The following KIAA1671 variants were observed in gnomAD, a reference collection of about 807,000 sequenced individuals.
KIAA1671 encodes KIAA1671, also known as uncharacterized protein KIAA1671.
KIAA1671 carries 52 observed loss-of-function variants against 131.2 expected under a neutral mutation model. That is an observed-to-expected ratio of 0.40 (90% CI 0.32 to 0.50). The LOEUF is 0.50. Ranked by LOEUF, KIAA1671 falls within the 20% of genes least tolerant of loss-of-function variation. The pLI, the probability that KIAA1671 is intolerant of heterozygous loss-of-function variation, is 0.73. For synonymous variants in KIAA1671, 1,003 were observed against 961.6 expected (o/e 1.04, Z -0.80); for missense variants, 2,360 against 2,364.2 (o/e 1.00, Z 0.04).
At chr22:24,965,294 A>G (rs1922239189) in intron 1 of KIAA1671, among the ~76,000 whole-genome samples, 1 of 151,574 alleles carries the variant, frequency 6.6e-6, no homozygotes, top group South Asian at 2.1e-4. Flanking sequence ...GTACACTTGT[A>G]ATACCAGCTA....
intron 6 of KIAA1671, among the ~76,000 whole-genome samples, chr22:25,068,659 A>G (rs1181796771): frequency 6.6e-6 from 1 of 152,100 alleles, no homozygotes; most frequent in Admixed American, 6.5e-5. Flanking sequence ...GATGGTCTCG[A>G]TCTCCTGACC....
At chr22:24,974,951 C>T (rs935515056) in intron 1 of KIAA1671, among the ~76,000 whole-genome samples, 10 of 152,098 alleles carry the variant, frequency 6.6e-5, no homozygotes, top group African/African-American at 2.4e-4. Flanking sequence ...GCCTCGGCCT[C>T]CCAAAGTGCT....
intron 6 of KIAA1671, chr22:25,060,142 G>A (rs6004415): frequency 0.74 from 112,710 of 152,098 alleles, 42,967 homozygotes; most frequent in African/African-American, 0.92. Flanking sequence ...TGGTTGGATC[G>A]TCCAGTTTTT....
intron 1 of KIAA1671, among the ~76,000 whole-genome samples, chr22:24,961,520 C>G (rs1436965773): frequency 1.3e-5 from 2 of 152,236 alleles, no homozygotes; most frequent in African/African-American, 4.8e-5. Flanking sequence ...CTAGGCTTCA[C>G]CAGCAAGGCT....
At chr22:25,178,000 G>A (rs550693824) in intron 9 of KIAA1671, among the ~76,000 whole-genome samples, 3 of 152,260 alleles carry the variant, frequency 2.0e-5, no homozygotes, top group African/African-American at 4.8e-5. Context: ...GGCAGTGCCC[G>A]GCCAAGGCCT....
rs1423164412 is a variant in KIAA1671, at chr22:25,192,265, C to CA, written c.*5-135dup. On this transcript the variant is annotated intron_variant, in intron 12 of 12. Coordinates refer to ENST00000358431, the MANE Select transcript of KIAA1671 (RefSeq NM_001145206.2). ...CCTCACCTCCCCTTTCCACCCAACA[C>CA]AAAAAATCTCTTTTGTGACCTTAGG... is the stretch of plus-strand genomic sequence containing the variant. The CA allele has an allele frequency of 2.6e-5, 4 of 152,162 alleles. No homozygotes were observed. In the East Asian group the frequency reaches 7.7e-4, roughly 29 times the overall value. 9.4% of individuals were successfully genotyped at this position (152,162 alleles called of 1,614,324 possible).
chr22:25,094,096 C>T (rs930536262), intron 6 of KIAA1671, among the ~76,000 whole-genome samples: 18 of 152,092 alleles, frequency 1.2e-4, no homozygotes, highest in African/African-American at 4.1e-4. Flanking sequence ...TTCTTGTTTT[C>T]GAAGAAAGCG....
chr22:24,992,230 T>A (rs5760778), intron 1 of KIAA1671, among the ~76,000 whole-genome samples: 76,342 of 151,986 alleles, frequency 0.5, 20,852 homozygotes, highest in African/African-American at 0.72. Flanking sequence ...TGGATTCCTT[T>A]AGGATGTCCA....
At chr22:25,108,626 C>T (rs927583168) in intron 6 of KIAA1671, among the ~76,000 whole-genome samples, 1 of 152,190 alleles carries the variant, frequency 6.6e-6, no homozygotes, top group African/African-American at 2.4e-5. Context: ...GTGTATGTTT[C>T]CTCACCTGCA....
Position 25,041,533 on chromosome 22 carries a change from C to G in KIAA1671, c.4395+8C>G. ...ACTGGAGACAGTCACAAGGTAAGTA[C>G]CGAGACACTTTTTAATTTTGTCAAA... On this transcript the variant is annotated splice_region_variant and intron_variant, in intron 5 of 12. Transcript: ENST00000358431. The G allele has an allele frequency of 1.3e-6, 2 of 1,509,870 alleles. No homozygotes were observed. Among genetic ancestry groups the G allele is most frequent in the Non-Finnish European group, 1.8e-6 (2 of 1,129,328 alleles). 93.5% of individuals were successfully genotyped at this position (1,509,870 alleles called of 1,614,324 possible).
At chr22:25,067,690 T>C (rs1350782892) in intron 6 of KIAA1671, among the ~76,000 whole-genome samples, 1 of 152,160 alleles carries the variant, frequency 6.6e-6, no homozygotes, top group Admixed American at 6.5e-5. Context: ...GTCTGCCTCC[T>C]TCCAGCCCCT....
chr22:25,008,729 A>G (rs949769485), intron 1 of KIAA1671, among the ~76,000 whole-genome samples: 1 of 152,228 alleles, frequency 6.6e-6, no homozygotes, highest in Non-Finnish European at 1.5e-5. Flanking sequence ...TAATGATTTG[A>G]GGATGATAAT....
chr22:25,086,565 T>G (rs1259740935), intron 6 of KIAA1671, among the ~76,000 whole-genome samples: 1 of 152,164 alleles, frequency 6.6e-6, no homozygotes, highest in Non-Finnish European at 1.5e-5. Context: ...GCCCTGACCT[T>G]TGTAGGAGCA....
At chr22:25,100,229 C>T (rs1930594482) in intron 6 of KIAA1671, among the ~76,000 whole-genome samples, 1 of 152,182 alleles carries the variant, frequency 6.6e-6, no homozygotes, top group African/African-American at 2.4e-5. Flanking sequence ...TCTGAGGCCA[C>T]CCAGACCTGC....
intron 1 of KIAA1671, chr22:25,023,961 A>C (rs1030493901): frequency 6.6e-6 from 1 of 150,784 alleles, no homozygotes; most frequent in African/African-American, 2.4e-5. Flanking sequence ...AAAAAATCCC[A>C]AAAAACTCCT....
At chr22:25,153,572 T>C (rs1388308209) in intron 6 of KIAA1671, among the ~76,000 whole-genome samples, 1 of 152,192 alleles carries the variant, frequency 6.6e-6, no homozygotes, top group Non-Finnish European at 1.5e-5. Context: ...GGGTTTGAGA[T>C]TGGGGCTGGT....
intron 6 of KIAA1671, among the ~76,000 whole-genome samples, chr22:25,104,039 C>T (rs1182168363): frequency 1.3e-4 from 20 of 151,892 alleles, no homozygotes; most frequent in Admixed American, 7.2e-4. Context: ...AGTGCAGTGG[C>T]GCAATCTTGG....
At chr22:25,182,169 A>G (rs1225203940) in intron 10 of KIAA1671, among the ~76,000 whole-genome samples, 4 of 134,146 alleles carry the variant, frequency 3.0e-5, no homozygotes, top group Non-Finnish European at 6.4e-5. Context: ...ACAGAGCGGG[A>G]CTCCATCTCA....
chr22:24,977,648 T>G (rs983150600), intron 1 of KIAA1671, among the ~76,000 whole-genome samples: 43 of 152,200 alleles, frequency 2.8e-4, no homozygotes, highest in African/African-American at 1.0e-3. Context: ...CTTCTCGCCC[T>G]TAGATTCCCA....
Sources: gnomAD v4.1 joint callset for allele counts (sites outside exome capture counted in the v4.1 genomes callset) on GRCh38, gnomAD v4.1.1 for gene constraint, MANE v1.5 for transcripts, NCBI Gene and HGNC (gene_info 2026-07-23, HGNC 2026-07-21) for gene names.